Variants in POLR3H observed in about 807,000 individuals in gnomAD.
The protein encoded by POLR3H is DNA-directed RNA polymerase III subunit RPC8.
POLR3H carries 17 observed loss-of-function variants against 25.5 expected under a neutral mutation model. The observed-to-expected ratio is 0.67, with a 90% confidence interval of 0.46 to 1.00. The LOEUF (loss-of-function observed/expected upper bound fraction) is 1.00, where lower values mean the gene tolerates loss of function less well. POLR3H is among the 50% of genes least tolerant of loss of function. The pLI is 0.00. For missense variants in POLR3H, 274 were observed against 265.0 expected (o/e 1.03, Z -0.24); for synonymous variants, 129 against 103.0 (o/e 1.25, Z -1.53).
chr22:41,542,820 T>C (rs967306856), intron 1 of POLR3H, among the ~76,000 whole-genome samples: 3 of 152,158 alleles, frequency 2.0e-5, no homozygotes, highest in Non-Finnish European at 4.4e-5. Flanking sequence ...CTGGCCAACA[T>C]GGTGAAACCC....
Position 41,528,163 on chromosome 22 carries a change from G to C in POLR3H, c.*1120C>G. The C allele has an allele frequency of 1.5e-6, 2 of 1,343,252 alleles. No homozygotes were observed. Among genetic ancestry groups the C allele is most frequent in the South Asian group, 2.8e-5 (2 of 71,970 alleles). 83.2% of individuals were successfully genotyped at this position (1,343,252 alleles called of 1,614,324 possible). A position where few individuals can be genotyped will look rare whatever the true frequency, so the allele number is the denominator to read the frequency against. Reference sequence around the variant, plus strand: ...CCCCAGTTCTCCAGGTGGCCCCACAGAGAAAGCAAAGTGGCTTCTCAGAGT... The same window carrying C: ...CCCCAGTTCTCCAGGTGGCCCCACACAGAAAGCAAAGTGGCTTCTCAGAGT... On this transcript the variant is annotated 3_prime_UTR_variant, in exon 6 of 6. Transcript: ENST00000355209.
Position 41,533,786 on chromosome 22 carries a change from T to TA in POLR3H, c.209-1042dup, listed in dbSNP as rs34510863. 4,304 of 1,060,500 alleles carry TA rather than the reference T, an allele frequency of 4.1e-3. 118 individuals are homozygous for TA. The African/African-American group carries it at 0.058, about 14-fold the overall frequency. 65.7% of individuals were successfully genotyped at this position (1,060,500 alleles called of 1,614,324 possible). On this transcript the variant is annotated intron_variant, in intron 2 of 5. Transcript: ENST00000355209. ...CAGATGAGGGCGGCCAAGGGCCACT[T>TA]ACGCACAGATGGAAAAACCCTGTCC...
rs2066658614 is a variant in POLR3H at position 41,528,722 on chromosome 22, G to C, written c.*561C>G. The C allele has an allele frequency of 1.4e-6, 2 of 1,447,998 alleles. No individual in the cohort carries two copies. The highest frequency in any genetic ancestry group is 1.4e-5 in the African/African-American group (1 of 71,080). The allele number at this position is 1,447,998 out of a possible 1,614,324, so 89.7% of individuals were successfully genotyped here. A position where few individuals can be genotyped will look rare whatever the true frequency, so the allele number is the denominator to read the frequency against. On this transcript the variant is annotated 3_prime_UTR_variant, in exon 6 of 6. Transcript: ENST00000355209. Reference sequence around the variant, plus strand: ...TTCCTATTCCAAGATGGTGTGACCAGACATGCTTCCTGCTCCCCGCTTAGC... The same window carrying C: ...TTCCTATTCCAAGATGGTGTGACCACACATGCTTCCTGCTCCCCGCTTAGC...
Position 41,530,687 on chromosome 22 carries a change from C to T in POLR3H, c.561G>A (p.Val187=). ...LPKKEAPYTL[V]GSISEPGLGL... ...CTTCAGCACCATCAGAGCCACTCAC[C>T]ACAAGCGTGTACGGAGCCTCCTTCT... The change falls in exon 5 of 6, where the codon GTG becomes GTA. Residue 187 remains valine (V), a splice_region_variant and synonymous_variant. Coordinates refer to ENST00000355209, the MANE Select transcript of POLR3H (RefSeq NM_001018050.4). The T allele has an allele frequency of 1.2e-6, 2 of 1,612,018 alleles. No individual in the cohort carries two copies. The highest frequency in any genetic ancestry group is 1.7e-6 in the Non-Finnish European group (2 of 1,179,644).
In POLR3H at chr22:41,527,046, TTC is replaced by T; in HGVS notation, c.*2235_*2236del. ...CCTCTGCCAAGCACCAATGGGTGGC[TTC>T]TGTCTTCTTTGCCACTGCAAACAAC... On this transcript the variant is annotated 3_prime_UTR_variant, in exon 6 of 6. Coordinates refer to ENST00000355209, the MANE Select transcript of POLR3H (RefSeq NM_001018050.4). 1.7e-6 allele frequency: 1 copy of T among 592,582 alleles called. No individual in the cohort carries two copies. Among genetic ancestry groups the T allele is most frequent in the Non-Finnish European group, 3.0e-6 (1 of 336,538 alleles). 36.7% of individuals were successfully genotyped at this position (592,582 alleles called of 1,614,324 possible).
At chr22:41,532,790 G>C (rs779015831) in intron 2 of POLR3H, 45 bp from the exon 3 acceptor site, 3 of 1,598,146 alleles carry the variant, frequency 1.9e-6, no homozygotes, top group African/African-American at 2.7e-5. Context: ...CGGGGCCCCA[G>C]TGCGCTCCCA....
Position 41,543,788 on chromosome 22 carries a change from A to T in POLR3H, c.111+203T>A, listed in dbSNP as rs764321155. 3 of 697,988 alleles carry T rather than the reference A, an allele frequency of 4.3e-6. No individual in the cohort carries two copies. The South Asian group carries it at 4.5e-5, about 10-fold the overall frequency. 43.2% of individuals were successfully genotyped at this position (697,988 alleles called of 1,614,324 possible). On this transcript the variant is annotated intron_variant, in intron 1 of 5. Transcript: ENST00000355209. ...AAGTAATTTAGAATTGTGGAATCTA[A>T]CACTTCCAGTTACAACTCCCTTTTT... is the stretch of plus-strand genomic sequence containing the variant.
intron 1 of POLR3H, among the ~76,000 whole-genome samples, chr22:41,542,997 C>T (rs2145576704): frequency 6.6e-6 from 1 of 152,192 alleles, no homozygotes; most frequent in South Asian, 2.1e-4. Context: ...GAGCGGCACT[C>T]TTGTCTCACA....
chr22:41,542,337 G>A (rs1433570851), intron 1 of POLR3H, among the ~76,000 whole-genome samples: 7 of 152,074 alleles, frequency 4.6e-5, no homozygotes, highest in Admixed American at 3.3e-4. Flanking sequence ...ACCCGCCTCA[G>A]CCTCCCAAAG....
intron 5 of POLR3H, chr22:41,529,553 G>C: frequency 1.5e-6 from 1 of 677,120 alleles, no homozygotes; most frequent in South Asian, 1.5e-5. Context: ...TCCAGGCCCT[G>C]ATAGGGTCAG....
At chr22:41,544,590 A>C (rs2066994686), upstream of POLR3H, 1 of 152,674 alleles carries the variant, frequency 6.5e-6, no homozygotes, top group Admixed American at 6.5e-5. Context: ...CGTGGGGCAG[A>C]GAGAGGGCGA....
intron 1 of POLR3H, among the ~76,000 whole-genome samples, chr22:41,543,275 T>C (rs1413583088): frequency 1.3e-5 from 2 of 152,156 alleles, no homozygotes; most frequent in South Asian, 2.1e-4. Context: ...GCTGCTGGAA[T>C]GAAGGGATGA....
At chr22:41,532,784 G>C in intron 2 of POLR3H, 39 bp from the exon 3 acceptor site, 1 of 1,600,420 alleles carries the variant, frequency 6.2e-7, no homozygotes, top group Non-Finnish European at 8.5e-7. Context: ...GCTGACCGGG[G>C]CCCCAGTGCG....
intron 2 of POLR3H, chr22:41,540,064 G>A: frequency 5.7e-6 from 1 of 174,914 alleles, no homozygotes; most frequent in Admixed American, 5.4e-5. Context: ...GGAAGCAGAG[G>A]CACAGAGCAA....
intron 4 of POLR3H, 105 bp from the exon 5 acceptor site, chr22:41,530,993 T>C (rs986015591): frequency 3.6e-6 from 4 of 1,113,956 alleles, no homozygotes; most frequent in African/African-American, 3.1e-5. Context: ...GTGAGATCAC[T>C]GTGGCTGGGA....
At chr22:41,539,173 T>G (rs995412846) in intron 2 of POLR3H, 20 of 152,138 alleles carry the variant, frequency 1.3e-4, no homozygotes, top group African/African-American at 4.8e-4. Context: ...GCAGGAGAAT[T>G]GCTTGATGCT....
intron 1 of POLR3H, 50 bp downstream of exon 1, chr22:41,543,941 G>A (rs770491016): frequency 7.2e-7 from 1 of 1,388,976 alleles, no homozygotes; most frequent in Admixed American, 1.8e-5. Flanking sequence ...CCAGTGGGCG[G>A]CGCTCGCTCT....
At chr22:41,530,590 G>A in intron 5 of POLR3H, 97 bp downstream of exon 5, 1 of 1,167,238 alleles carries the variant, frequency 8.6e-7, no homozygotes, top group Non-Finnish European at 1.2e-6. Context: ...GACCTGCTGG[G>A]GGAGATCCCA....
At chr22:41,540,205 C>G in intron 2 of POLR3H, 1 of 267,472 alleles carries the variant, frequency 3.7e-6, no homozygotes, top group Non-Finnish European at 7.3e-6. Context: ...ATCCCCCTTC[C>G]GTCTGCTCTC....
Sources: allele counts gnomAD v4.1 joint callset (sites outside exome capture counted in the v4.1 genomes callset), GRCh38; gene constraint gnomAD v4.1.1; transcripts MANE v1.5; gene names NCBI Gene and HGNC (gene_info 2026-07-23, HGNC 2026-07-21).